C1RL: variants seen among roughly 807,000 people sequenced by gnomAD.
C1RL encodes complement C1r subcomponent-like protein.
In C1RL, 27 loss-of-function variants were observed where a neutral mutation model predicts 27.9. That is an observed-to-expected ratio of 0.97 (90% CI 0.71 to 1.33). The LOEUF is 1.33. Among genes scored for constraint, C1RL ranks in the 40% most tolerant of loss-of-function variants. C1RL has a pLI of 0.00. For synonymous variants in C1RL, 248 were observed against 252.1 expected (o/e 0.98, Z 0.15); for missense variants, 563 against 623.9 (o/e 0.90, Z 1.04).
chr12:7,101,112 TCC>T (rs1565636801), intron 3 of C1RL, among the ~76,000 whole-genome samples: 308 of 10,334 alleles, frequency 0.03, no homozygotes, highest in African/African-American at 0.034. Context: ...CTTCCTTCCC[TCC>T]CTCCCTCCCT....
chr12:7,096,811 G>A lies in C1RL; in HGVS notation c.1044C>T (p.Ser348=). 6.2e-7 allele frequency: 1 copy of A among 1,605,616 alleles called. No homozygotes were observed. Among genetic ancestry groups the A allele is most frequent in the Non-Finnish European group, 8.5e-7 (1 of 1,175,340 alleles). Residue 348 remains serine, a synonymous_variant, in exon 6 of 6, where the codon AGC becomes AGT. Coordinates refer to ENST00000266542, the MANE Select transcript of C1RL (RefSeq NM_016546.4). ...GDIALLELQH[S]IPLGPNVLPV... ...GGAGGACGTTGGGGCCCAGGGGGAT[G>A]CTGTGCTGCAGCTCCAGGAGGGCGA...
rs760555910 is a variant in C1RL at position 7,096,484 on chromosome 12, G to C, written c.1371C>G (p.Ser457=). The C allele has an allele frequency of 2.5e-6, 4 of 1,614,112 alleles. No individual in the cohort carries two copies. The change falls in exon 6 of 6, where the codon TCC becomes TCG. Residue 457 remains serine (S), a synonymous_variant. Coordinates refer to ENST00000266542, the MANE Select transcript of C1RL (RefSeq NM_016546.4). The stretch of plus-strand genomic sequence containing the variant: ...ACCCTTCGCCACACCCTATGCCCCA[G>C]GACACAATGCCCGTGGCCACCCAGT... ...AHHWVATGIV[S]WGIGCGEGYD...
In C1RL at chr12:7,096,619, G is replaced by C. The variant is rs373012039; in HGVS notation, c.1236C>G (p.Pro412=). Residue 412 remains proline (P), a synonymous_variant, in exon 6 of 6, where the codon CCC becomes CCG. Coordinates refer to ENST00000266542, the MANE Select transcript of C1RL (RefSeq NM_016546.4). ...CNAWLQKRQR[P]EVFSDNMFCV... ...AGAACATATTGTCAGAAAACACCTC[G>C]GGTCTCTGTCTCTTTTGGAGCCAGG... 1.9e-6 allele frequency: 3 copies of C among 1,614,094 alleles called. No homozygotes were observed. The highest frequency in any genetic ancestry group is 2.5e-6 in the Non-Finnish European group (3 of 1,180,028).
At chr12:7,105,063 T>A (rs1430478437) in intron 2 of C1RL, among the ~76,000 whole-genome samples, 3 of 152,198 alleles carry the variant, frequency 2.0e-5, no homozygotes, top group Non-Finnish European at 4.4e-5. Context: ...TTGACCAGAA[T>A]GCTGGGGTCC....
Position 7,099,673 on chromosome 12 carries a change from G to C in C1RL, c.691+13C>G. The C allele has an allele frequency of 1.3e-6, 2 of 1,551,988 alleles. No homozygotes were observed. The highest frequency in any genetic ancestry group is 1.7e-6 in the Non-Finnish European group (2 of 1,147,062). On this transcript the variant is annotated intron_variant, in intron 5 of 5. Coordinates refer to ENST00000266542, the MANE Select transcript of C1RL (RefSeq NM_016546.4). ...GCTTGTTGGGGGAATGGTGCTAGCA[G>C]GTGGCTACTCACCAGGCATACACTG...
chr12:7,095,084 T>C lies in C1RL; in HGVS notation c.*1307A>G, dbSNP rs1591593750. On this transcript the variant is annotated 3_prime_UTR_variant, in exon 6 of 6. Coordinates refer to ENST00000266542, the MANE Select transcript of C1RL (RefSeq NM_016546.4). Reference sequence around the variant, plus strand: ...TTTCTATTTCCATTGAACAGTTGTATTTTATTTGTGTCTTTCACTGTAAAT... The same window carrying C: ...TTTCTATTTCCATTGAACAGTTGTACTTTATTTGTGTCTTTCACTGTAAAT... 1 of 1,206,436 alleles carries C rather than the reference T, an allele frequency of 8.3e-7. No homozygotes were observed. 74.7% of individuals were successfully genotyped at this position (1,206,436 alleles called of 1,614,324 possible).
chr12:7,103,771 G>A (rs1938690496), intron 2 of C1RL, among the ~76,000 whole-genome samples: 1 of 152,166 alleles, frequency 6.6e-6, no homozygotes, highest in African/African-American at 2.4e-5. Flanking sequence ...GTGTGTGTGT[G>A]TGACTTACTC....
Position 7,096,553 on chromosome 12 carries a change from C to T in C1RL, c.1302G>A (p.Gly434=), listed in dbSNP as rs916949168. The T allele has an allele frequency of 6.2e-7, 1 of 1,614,132 alleles. No individual in the cohort carries two copies. The highest frequency in any genetic ancestry group is 8.5e-7 in the Non-Finnish European group (1 of 1,180,014). ...ATACCACATAGACGCTGCCACTGTC[C>T]CCCTGGCAGACACTGTGCCTTTGCG... ...DETQRHSVCQ[G]DSGSVYVVWD... Residue 434 remains glycine (G), a synonymous_variant, in exon 6 of 6, where the codon GGG becomes GGA. Transcript: ENST00000266542.
chr12:7,108,984 TGTGTGGG>T, intron 1 of C1RL, 119 bp downstream of exon 1: 4 of 147,156 alleles, frequency 2.7e-5, no homozygotes, highest in East Asian at 2.4e-4. Context: ...TGTGTGTGTG[TGTGTGGG>T]GGGGGGGGGG....
intron 5 of C1RL, 71 bp downstream of exon 5, chr12:7,099,615 C>G: frequency 1.3e-6 from 2 of 1,534,674 alleles, no homozygotes; most frequent in Non-Finnish European, 1.8e-6. Context: ...TTCCTTTAAC[C>G]CCTGTGTCCT....
At position 7,108,271 on chromosome 12, in the gene C1RL, A is replaced by C; in HGVS notation, c.280T>G (p.Cys94Gly). The C allele has an allele frequency of 1.9e-6, 3 of 1,613,130 alleles. No homozygotes were observed. The highest frequency in any genetic ancestry group is 2.5e-6 in the Non-Finnish European group (3 of 1,179,436). The change falls in exon 2 of 6, where the codon TGT becomes GGT. Residue 94 changes from cysteine to glycine, a missense_variant. Coordinates refer to ENST00000266542, the MANE Select transcript of C1RL (RefSeq NM_016546.4). ...CTCACTGTGACAGAGTCCCCTGCAC[A>C]GTCCTGGGACGGCTCCAGGTCGAAG... ...QDFDLEPSQD[C>G]AGDSVTISFV...
intron 2 of C1RL, among the ~76,000 whole-genome samples, chr12:7,102,318 C>T (rs1470242279): frequency 6.6e-6 from 1 of 152,192 alleles, no homozygotes; most frequent in African/African-American, 2.4e-5. Context: ...TTTAGCCTAC[C>T]ATAATTATTT....
intron 1 of C1RL, chr12:7,108,727 C>T (rs1938841531): frequency 7.1e-6 from 4 of 566,682 alleles, no homozygotes; most frequent in Non-Finnish European, 1.2e-5. Flanking sequence ...CCGAAGACAT[C>T]ACCTTTGCTC....
intron 3 of C1RL, 39 bp downstream of exon 3, chr12:7,101,859 C>G (rs781269197): frequency 6.3e-7 from 1 of 1,599,934 alleles, no homozygotes; most frequent in Non-Finnish European, 8.6e-7. Context: ...TGGCTGGGAA[C>G]AGAGGCTCCC....
chr12:7,095,717 T>C lies in C1RL; in HGVS notation c.*674A>G. 1.1e-6 allele frequency: 1 copy of C among 913,798 alleles called. No individual in the cohort carries two copies. The highest frequency in any genetic ancestry group is 1.3e-6 in the Non-Finnish European group (1 of 764,632). The allele number at this position is 913,798 out of a possible 1,614,324, so 56.6% of individuals were successfully genotyped here. Reference sequence around the variant, plus strand: ...AGCACACTGGGAAGAGCACAGTCTCTGCAGTCACACACCAGCTGTGGGACT... The same window carrying C: ...AGCACACTGGGAAGAGCACAGTCTCCGCAGTCACACACCAGCTGTGGGACT... On this transcript the variant is annotated 3_prime_UTR_variant, in exon 6 of 6. Coordinates refer to ENST00000266542, the MANE Select transcript of C1RL (RefSeq NM_016546.4).
rs1441589664 is a variant in C1RL at position 7,096,374 on chromosome 12, T to G, written c.*17A>C. The G allele has an allele frequency of 3.7e-6, 5 of 1,365,098 alleles. No homozygotes were observed. The East Asian group carries it at 2.0e-4, about 54-fold the overall frequency. The allele number at this position is 1,365,098 out of a possible 1,614,324, so 84.6% of individuals were successfully genotyped here. Reference sequence around the variant, plus strand: ...GGCCTCCACTGTGCTGGTCAGTCCCTGTTCAAGCCCCCAGGGTCAATTCTT... The same window carrying G: ...GGCCTCCACTGTGCTGGTCAGTCCCGGTTCAAGCCCCCAGGGTCAATTCTT... On this transcript the variant is annotated 3_prime_UTR_variant, in exon 6 of 6. Coordinates refer to ENST00000266542, the MANE Select transcript of C1RL (RefSeq NM_016546.4).
At chr12:7,108,651 T>C (rs1469497029) in intron 1 of C1RL, 172 bp from the exon 2 acceptor site, 4 of 593,382 alleles carry the variant, frequency 6.7e-6, no homozygotes, top group Non-Finnish European at 1.2e-5. Flanking sequence ...CTTGCTCCCC[T>C]TCCTCACCCC....
At position 7,104,384 on chromosome 12, in the gene C1RL, A is replaced by G. The variant is rs747769219; in HGVS notation, c.301-2297T>C. On this transcript the variant is annotated intron_variant, in intron 2 of 5. Coordinates refer to ENST00000266542, the MANE Select transcript of C1RL (RefSeq NM_016546.4). This position sits in a 1 kb window ranked among gnomAD's most constrained non-coding sequence, Gnocchi z 5.4. ...TGATAGAGGGGGCGAAGGCCAGTGC[A>G]GCAGGTCCATGAATAACATCGTCGT... is the stretch of plus-strand genomic sequence containing the variant. 3.0e-4 allele frequency among the ~76,000 whole-genome samples: 45 copies of G among 152,346 alleles called. No individual in the cohort carries two copies. Among genetic ancestry groups the G allele is most frequent in the African/African-American group, 1.1e-3 (44 of 41,578 alleles).
chr12:7,097,258 C>A, intron 5 of C1RL, 95 bp from the exon 6 acceptor site: 1 of 1,057,702 alleles, frequency 9.5e-7, no homozygotes, highest in Non-Finnish European at 1.3e-6. Context: ...GTAGGGGACG[C>A]GTGAAGAGAC....
Sources: allele counts gnomAD v4.1 joint callset (sites outside exome capture counted in the v4.1 genomes callset), GRCh38; gene constraint gnomAD v4.1.1; non-coding constraint Gnocchi (gnomAD v3.1); transcripts MANE v1.5; gene names NCBI Gene and HGNC (gene_info 2026-07-23, HGNC 2026-07-21).